Variants in NELL1 observed in about 807,000 individuals in gnomAD.
NELL1 encodes the protein neural EGFL like 1, also known as protein kinase C-binding protein NELL1.
A neutral mutation model predicts 107.4 loss-of-function variants in NELL1; 76 were observed. The observed-to-expected ratio is 0.71, with a 90% CI of 0.59 to 0.86. The LOEUF is 0.86. Among genes scored for constraint, NELL1 ranks in the 40% least tolerant of loss-of-function variants. NELL1 has a pLI of 0.00. For synonymous variants in NELL1, 353 were observed against 341.2 expected, an observed-to-expected ratio of 1.03 and a Z score of -0.38; for missense variants, 1,024 against 1,005.5, an observed-to-expected ratio of 1.02 and a Z score of -0.25.
chr11:21,330,833 C>T (rs903924695), intron 14 of NELL1, among the ~76,000 whole-genome samples: 2 of 151,900 alleles, frequency 1.3e-5, no homozygotes, highest in South Asian at 2.1e-4. Context: ...TTCTCTTCTT[C>T]TGGCACCCCA....
intron 14 of NELL1, among the ~76,000 whole-genome samples, chr11:21,353,798 T>A (rs1850869674): frequency 6.6e-6 from 1 of 152,224 alleles, no homozygotes; most frequent in Non-Finnish European, 1.5e-5. Context: ...TTCTAATGCT[T>A]ACTTCCTTGG....
At chr11:21,217,684 T>TA (rs1333759314) in intron 13 of NELL1, among the ~76,000 whole-genome samples, 2 of 152,328 alleles carry the variant, frequency 1.3e-5, no homozygotes, top group African/African-American at 4.8e-5. Context: ...TACTGATAGA[T>TA]AAAATCTGCT....
intron 12 of NELL1, among the ~76,000 whole-genome samples, chr11:21,064,968 A>G (rs548154867): frequency 6.6e-6 from 1 of 152,284 alleles, no homozygotes; most frequent in South Asian, 2.1e-4. Flanking sequence ...ATGTAAACAT[A>G]TTTTTTACAA....
chr11:20,989,996 CAAAA>C (rs35612589), intron 12 of NELL1, among the ~76,000 whole-genome samples: 1 of 114,892 alleles, frequency 8.7e-6, no homozygotes. Flanking sequence ...GACTCCGTCT[CAAAA>C]AAAAAAAAAA....
At chr11:21,217,839 G>A (rs1045790200) in intron 13 of NELL1, among the ~76,000 whole-genome samples, 7 of 152,254 alleles carry the variant, frequency 4.6e-5, no homozygotes, top group African/African-American at 1.4e-4. Context: ...AGTCGTTTGG[G>A]TCCTGATTGG....
At chr11:21,113,820 A>C in intron 13 of NELL1, 106 bp downstream of exon 13, 1 of 1,185,936 alleles carries the variant, frequency 8.4e-7, no homozygotes, top group Non-Finnish European at 1.2e-6. Context: ...TTTTATCTAA[A>C]TAGTTCTTCT....
intron 4 of NELL1, among the ~76,000 whole-genome samples, chr11:20,859,985 C>A (rs1159225805): frequency 6.6e-6 from 1 of 152,156 alleles, no homozygotes; most frequent in Non-Finnish European, 1.5e-5. Context: ...AGGTCACAAT[C>A]CTTAATATAG....
intron 13 of NELL1, among the ~76,000 whole-genome samples, chr11:21,118,261 C>G (rs1855283609): frequency 1.3e-5 from 2 of 151,998 alleles, no homozygotes; most frequent in African/African-American, 4.8e-5. Flanking sequence ...TGCTAGCATG[C>G]AATGACTATA....
At chr11:20,922,000 A>AT (rs200513748) in intron 7 of NELL1, among the ~76,000 whole-genome samples, 5 of 151,434 alleles carry the variant, frequency 3.3e-5, no homozygotes, top group Middle Eastern at 3.4e-3. Context: ...TTCAAGGAAG[A>AT]TTTTTTTTTC....
chr11:20,681,884 A>G (rs1291561265), intron 2 of NELL1, among the ~76,000 whole-genome samples: 2 of 151,756 alleles, frequency 1.3e-5, no homozygotes, highest in African/African-American at 2.4e-5. Context: ...CTGTTGTCAC[A>G]TTTCCTTCTC....
chr11:21,448,732 C>G (rs2133854975), intron 15 of NELL1, among the ~76,000 whole-genome samples: 1 of 152,292 alleles, frequency 6.6e-6, no homozygotes, highest in South Asian at 2.1e-4. Flanking sequence ...CCCACTCTTC[C>G]CTGTCACTTC....
intron 12 of NELL1, among the ~76,000 whole-genome samples, chr11:21,085,712 T>C (rs563371818): frequency 6.6e-6 from 1 of 152,048 alleles, no homozygotes; most frequent in African/African-American, 2.4e-5. Context: ...ATTTGAAACA[T>C]TCAAAGAACA....
At chr11:20,990,118 G>A (rs769203564) in intron 12 of NELL1, among the ~76,000 whole-genome samples, 1 of 152,126 alleles carries the variant, frequency 6.6e-6, no homozygotes, top group Non-Finnish European at 1.5e-5. Context: ...TTGCAATATG[G>A]GGGGAGTACA....
At chr11:20,802,471 T>C (rs575666329) in intron 3 of NELL1, among the ~76,000 whole-genome samples, 1 of 152,076 alleles carries the variant, frequency 6.6e-6, no homozygotes, top group Non-Finnish European at 1.5e-5. Context: ...TTTTTGTGGA[T>C]CCTTTAGGTT....
chr11:21,249,560 TAAAAAC>T (rs1858585421), intron 14 of NELL1, among the ~76,000 whole-genome samples: 1 of 151,870 alleles, frequency 6.6e-6, no homozygotes, highest in Non-Finnish European at 1.5e-5. Context: ...TTAAAAAAAA[TAAAAAC>T]AATGCAATTT....
At chr11:21,008,133 T>C (rs1323932680) in intron 12 of NELL1, among the ~76,000 whole-genome samples, 1 of 152,166 alleles carries the variant, frequency 6.6e-6, no homozygotes, top group Non-Finnish European at 1.5e-5. Flanking sequence ...ACAATAATTA[T>C]ATCTCTGAAT....
At chr11:21,151,925 G>T (rs1856127164) in intron 13 of NELL1, among the ~76,000 whole-genome samples, 1 of 152,122 alleles carries the variant, frequency 6.6e-6, no homozygotes, top group Non-Finnish European at 1.5e-5. Flanking sequence ...CCATCCATTT[G>T]GCCTGTCTGA....
intron 13 of NELL1, among the ~76,000 whole-genome samples, chr11:21,226,258 T>A (rs1857890315): frequency 6.6e-6 from 1 of 152,146 alleles, no homozygotes; most frequent in African/African-American, 2.4e-5. Context: ...TCTCAGTAAG[T>A]ATGTAGGAGA....
intron 5 of NELL1, among the ~76,000 whole-genome samples, chr11:20,886,462 A>G (rs1401767591): frequency 6.6e-6 from 1 of 152,132 alleles, no homozygotes; most frequent in Non-Finnish European, 1.5e-5. Flanking sequence ...ATAAAATACC[A>G]CAAAAATATT....
Sources: allele counts gnomAD v4.1 joint callset (sites outside exome capture counted in the v4.1 genomes callset), GRCh38; gene constraint gnomAD v4.1.1; transcripts MANE v1.5; gene names NCBI Gene and HGNC (gene_info 2026-07-23, HGNC 2026-07-21).